Variants in ZNF665 observed in about 807,000 individuals in gnomAD.
The protein encoded by ZNF665 is zinc finger protein 665.
In ZNF665, 6 loss-of-function variants were observed where a neutral mutation model predicts 7.9. The ratio of observed to expected loss-of-function variants is 0.76; its 90% CI spans 0.42 to 1.50. The LOEUF is 1.50. Among genes scored for constraint, ZNF665 ranks in the 40% most tolerant of loss-of-function variants. The pLI, the probability that ZNF665 is intolerant of heterozygous loss-of-function variation, is 0.01. For missense variants in ZNF665, 819 were observed against 806.7 expected (o/e 1.02, Z -0.18); for synonymous variants, 242 against 274.5 (o/e 0.88, Z 1.17).
At chr19:53,173,370 C>CT (rs2090672824) in intron 3 of ZNF665, among the ~76,000 whole-genome samples, 5 of 112,622 alleles carry the variant, frequency 4.4e-5, no homozygotes, top group African/African-American at 1.5e-4. Flanking sequence ...TTTTTTTTCA[C>CT]TCTTTTTTTT....
At chr19:53,166,618 G>A (rs550212699) in intron 3 of ZNF665, among the ~76,000 whole-genome samples, 3 of 152,242 alleles carry the variant, frequency 2.0e-5, no homozygotes, top group Non-Finnish European at 4.4e-5. Flanking sequence ...AGCCCTGAAA[G>A]GAGTATTTTT....
At position 53,164,840 on chromosome 19, in the gene ZNF665, G is replaced by C. The variant is rs1234055037; in HGVS notation, c.1650C>G (p.Val550=). The change falls in exon 4 of 4, where the codon GTC becomes GTG. Residue 550 remains valine, a synonymous_variant. Coordinates refer to ENST00000396424, the MANE Select transcript of ZNF665 (RefSeq NM_024733.5). ...TTGCAAGGTACGAATTGTGTCTGAA[G>C]ACCTTGCCGCAATCATTACATTTGT... The part of the protein sequence containing the change: ...KPYKCNDCGK[V]FRHNSYLAIH... The C allele has an allele frequency of 6.2e-7, 1 of 1,614,156 alleles. No homozygotes were observed. Among genetic ancestry groups the C allele is most frequent in the Non-Finnish European group, 8.5e-7 (1 of 1,180,006 alleles).
In ZNF665 at chr19:53,162,606, G is replaced by T. The variant is rs1349887269; in HGVS notation, c.*1847C>A. ...ACGGTGGCTCCAGCCCGTAATCCCAGCACTTTGGCAGGCCAAGGTGGGCGG... is the reference window on the plus strand; with the variant it reads ...ACGGTGGCTCCAGCCCGTAATCCCATCACTTTGGCAGGCCAAGGTGGGCGG... On this transcript the variant is annotated 3_prime_UTR_variant, in exon 4 of 4. Transcript: ENST00000396424. 9 of 152,054 alleles carry T rather than the reference G, an allele frequency of 5.9e-5. No homozygotes were observed. The highest frequency in any genetic ancestry group is 5.9e-4 in the Admixed American group (9 of 15,272). 9.4% of individuals were successfully genotyped at this position (152,054 alleles called of 1,614,324 possible).
In ZNF665 at chr19:53,166,328, T is replaced by C. The variant is rs771182587; in HGVS notation, c.162A>G (p.Val54=). 2 of 1,585,974 alleles carry C rather than the reference T, an allele frequency of 1.3e-6. No homozygotes were observed. Among genetic ancestry groups the C allele is most frequent in the Non-Finnish European group, 1.7e-6 (2 of 1,168,016 alleles). The stretch of plus-strand genomic sequence containing the variant: ...TCCCCTTTGGTGGCAAATCCGTGTT[T>C]ACACATTTACAAGAGATATCTGTAA... ...LVSLDISCKC[V]NTDLPPKGKN... The change falls in exon 4 of 4, where the codon GTA becomes GTG. Residue 54 remains valine (V), a synonymous_variant. Transcript: ENST00000396424.
At chr19:53,178,283 C>T (rs2090713035) in intron 2 of ZNF665, among the ~76,000 whole-genome samples, 1 of 152,300 alleles carries the variant, frequency 6.6e-6, no homozygotes. Flanking sequence ...TCAGCAGCTG[C>T]TCACGTTCTA....
At chr19:53,166,397 T>C in intron 3 of ZNF665, 50 bp from the exon 4 acceptor site, 3 of 1,461,098 alleles carry the variant, frequency 2.1e-6, no homozygotes, top group Non-Finnish European at 2.7e-6. Context: ...AGTAGGTAAA[T>C]AACTATTTCC....
At chr19:53,182,500 G>T in intron 2 of ZNF665, 20 of 554,418 alleles carry the variant, frequency 3.6e-5, no homozygotes, top group East Asian at 1.5e-4. Context: ...CATTTCGTGG[G>T]TGCTTGTACA....
chr19:53,184,548 G>A (rs1164274269), intron 1 of ZNF665, among the ~76,000 whole-genome samples: 1 of 152,134 alleles, frequency 6.6e-6, no homozygotes, highest in Non-Finnish European at 1.5e-5. Flanking sequence ...GTGTTCAAGG[G>A]AGAAGTCTGC....
In ZNF665 at chr19:53,182,572, A is replaced by G. The variant is rs7249951; in HGVS notation, c.15+312T>C. On this transcript the variant is annotated intron_variant, in intron 2 of 3. Transcript: ENST00000396424. ...ACAGTTTACACAGAGCTGTCAATAT[A>G]TTCAAATATGTCCTGAACAATCCCT... is the stretch of plus-strand genomic sequence containing the variant. 1,208 of 709,658 alleles carry G rather than the reference A, an allele frequency of 1.7e-3. 15 individuals carry two copies. The African/African-American group carries it at 0.019, about 11-fold the overall frequency. 44.0% of individuals were successfully genotyped at this position (709,658 alleles called of 1,614,324 possible). A position where few individuals can be genotyped will look rare whatever the true frequency, so the allele number is the denominator to read the frequency against.
At chr19:53,185,253 G>C (rs532255691) in intron 1 of ZNF665, among the ~76,000 whole-genome samples, 6 of 151,862 alleles carry the variant, frequency 4.0e-5, no homozygotes, top group East Asian at 1.9e-4. Flanking sequence ...TTACGCTACC[G>C]CTAGACCACG....
rs2090595582 is a variant in ZNF665 at position 53,164,951 on chromosome 19, A to T, written c.1539T>A (p.Pro513=). The T allele has an allele frequency of 6.2e-7, 1 of 1,614,022 alleles. No individual in the cohort carries two copies. Among genetic ancestry groups the T allele is most frequent in the Non-Finnish European group, 8.5e-7 (1 of 1,180,036 alleles). The stretch of plus-strand genomic sequence containing the variant: ...CTTTGCCACACTCATTACACTTGTA[A>T]GGTTTTTCTCCAGTATGAACTCTCC... ...RHWRVHTGEK[P]YKCNECGKAF... is the part of the protein sequence containing the mutation. The change falls in exon 4 of 4, where the codon CCT becomes CCA. Residue 513 remains proline, a synonymous_variant. Coordinates refer to ENST00000396424, the MANE Select transcript of ZNF665 (RefSeq NM_024733.5).
rs183847934 is a variant in ZNF665, at chr19:53,189,247, C to T, written c.-46+4065G>A. ...CCCACAGGGTCAGTGGGTCTCTCCC[C>T]GTGTGCAGCGACGAGAGAGTGTAGA... On this transcript the variant is annotated intron_variant, in intron 1 of 3. Transcript: ENST00000396424. Among the ~76,000 whole-genome samples the T allele has an allele frequency of 1.1e-3, 171 of 152,020 alleles. 7 individuals are homozygous for T. The East Asian group carries it at 0.026, about 23-fold the overall frequency.
chr19:53,192,182 A>G (rs998819555), intron 1 of ZNF665, among the ~76,000 whole-genome samples: 18 of 149,880 alleles, frequency 1.2e-4, no homozygotes, highest in African/African-American at 4.4e-4. Context: ...GTTGTCCCCA[A>G]TCTCCATCTA....
chr19:53,164,875 G>C lies in ZNF665; in HGVS notation c.1615C>G (p.Gln539Glu). ...LTIHQTIHTG[Q>E]KPYKCNDCGK... ...CAATCATTACATTTGTATGGTTTTT[G>C]TCCAGTATGTATTGTCTGATGTATA... Residue 539 changes from glutamine to glutamate, a missense_variant, in exon 4 of 4, where the codon CAA becomes GAA. Coordinates refer to ENST00000396424, the MANE Select transcript of ZNF665 (RefSeq NM_024733.5). The C allele has an allele frequency of 6.2e-7, 1 of 1,613,850 alleles. No homozygotes were observed. Among genetic ancestry groups the C allele is most frequent in the South Asian group, 1.1e-5 (1 of 91,070 alleles).
chr19:53,165,321 G>C lies in ZNF665; in HGVS notation c.1169C>G (p.Thr390Ser). ...GKAFSMHSNL[T>S]KHQIIHTGEK... ...TCCGGTATGGATGATCTGATGCTTA[G>C]TTAAGTTTGAATGCATACTGAAGGC... The change falls in exon 4 of 4, where the codon ACT becomes AGT. Residue 390 changes from threonine to serine, a missense_variant. Coordinates refer to ENST00000396424, the MANE Select transcript of ZNF665 (RefSeq NM_024733.5). 6 of 1,613,474 alleles carry C rather than the reference G, an allele frequency of 3.7e-6. No homozygotes were observed. Among genetic ancestry groups the C allele is most frequent in the Non-Finnish European group, 5.1e-6 (6 of 1,179,648 alleles).
At position 53,164,780 on chromosome 19, in the gene ZNF665, A is replaced by T; in HGVS notation, c.1710T>A (p.Tyr570Ter). 1.2e-6 allele frequency: 2 copies of T among 1,613,856 alleles called. No homozygotes were observed. The highest frequency in any genetic ancestry group is 1.1e-5 in the South Asian group (1 of 91,062). Residue 570 changes from tyrosine (Y) to a stop codon, truncating the protein, a stop_gained, in exon 4 of 4, where the codon TAT becomes TAA. Transcript: ENST00000396424. LOFTEE classifies it low-confidence loss of function (END_TRUNC). Reference sequence around the variant, plus strand: ...ATGCTTTGCCGCACTCATTACACTTATAAGGTTTCTCACCAGTGTGAATTC... The same window carrying T: ...ATGCTTTGCCGCACTCATTACACTTTTAAGGTTTCTCACCAGTGTGAATTC... ...HQRIHTGEKP[Y>*]KCNECGKAFS...
At chr19:53,173,693 G>A (rs1050428285) in intron 3 of ZNF665, among the ~76,000 whole-genome samples, 1 of 151,834 alleles carries the variant, frequency 6.6e-6, no homozygotes, top group African/African-American at 2.4e-5. Flanking sequence ...TTTTTATTCT[G>A]TTCCACTGGT....
rs763746728 is a variant in ZNF665, at chr19:53,164,648, T to G, written c.1842A>C (p.Ala614=). The change falls in exon 4 of 4, where the codon GCA becomes GCC. Residue 614 remains alanine (A), a synonymous_variant. Transcript: ENST00000396424. ...CTCCAGTGTGAATTCTTCTATGATT[T>G]GCAAGATGTGAATTTTGAGTGAAGA... ...GKVFTQNSHL[A]NHRRIHTGEK... 1.6e-5 allele frequency: 26 copies of G among 1,612,684 alleles called. No individual in the cohort carries two copies. The highest frequency in any genetic ancestry group is 2.2e-5 in the South Asian group (2 of 91,020).
chr19:53,176,646 T>C (rs2090700497), intron 2 of ZNF665, among the ~76,000 whole-genome samples: 1 of 152,210 alleles, frequency 6.6e-6, no homozygotes, highest in South Asian at 2.1e-4. Context: ...GGCTGCACCC[T>C]TGTGGGACTG....
Sources: gnomAD v4.1 joint callset for allele counts (sites outside exome capture counted in the v4.1 genomes callset) on GRCh38, gnomAD v4.1.1 for gene constraint, MANE v1.5 for transcripts, NCBI Gene and HGNC (gene_info 2026-07-23, HGNC 2026-07-21) for gene names.